The following CTBP1 variants were observed in gnomAD, a reference collection of about 807,000 sequenced individuals.
CTBP1 encodes the protein C-terminal-binding protein 1.
Under a neutral mutation model 42.1 loss-of-function variants are expected in CTBP1, and 11 were observed. The observed-to-expected ratio is 0.26, with a 90% CI of 0.16 to 0.43. CTBP1 has a LOEUF of 0.43. CTBP1 is among the 20% of genes least tolerant of loss of function. The pLI, the probability that CTBP1 is intolerant of heterozygous loss-of-function variation, is 1.00. For missense variants in CTBP1, 399 were observed against 624.3 expected (o/e 0.64, Z 3.85); for synonymous variants, 324 against 277.1 (o/e 1.17, Z -1.68).
At chr4:1,241,072 G>A (rs528760672) in intron 2 of CTBP1, among the ~76,000 whole-genome samples, 2 of 152,162 alleles carry the variant, frequency 1.3e-5, no homozygotes, top group Non-Finnish European at 2.9e-5. Flanking sequence ...GACACTTTCC[G>A]ACAGAAACAG....
At chr4:1,226,428 G>A (rs1394444739) in intron 4 of CTBP1, among the ~76,000 whole-genome samples, 1 of 152,078 alleles carries the variant, frequency 6.6e-6, no homozygotes, top group Admixed American at 6.5e-5. Context: ...GTTCCGCAAG[G>A]GGTCCCGGGG....
chr4:1,247,137 C>T (rs539273519), intron 1 of CTBP1, among the ~76,000 whole-genome samples: 19 of 152,338 alleles, frequency 1.2e-4, no homozygotes, highest in African/African-American at 4.1e-4. Context: ...AAGGGAAGAT[C>T]CTACTCGCTG....
At chr4:1,225,692 G>A in intron 4 of CTBP1, 126 bp from the exon 5 acceptor site, 2 of 1,021,918 alleles carry the variant, frequency 2.0e-6, no homozygotes, top group Non-Finnish European at 2.8e-6. Flanking sequence ...GTGTCCCCAA[G>A]GCCACCCCGG....
At chr4:1,221,596 A>G (rs1729741075) in intron 5 of CTBP1, 1 of 225,120 alleles carries the variant, frequency 4.4e-6, no homozygotes, top group Non-Finnish European at 9.2e-6. Flanking sequence ...CACAGGTGAG[A>G]CCCAGAGGCA....
chr4:1,215,183 C>T (rs1728977356), intron 6 of CTBP1, among the ~76,000 whole-genome samples: 1 of 152,242 alleles, frequency 6.6e-6, no homozygotes, highest in Non-Finnish European at 1.5e-5. Context: ...GTGCCACACC[C>T]TGTCCCCTAG....
intron 1 of CTBP1, chr4:1,243,235 G>T: frequency 1.0e-6 from 1 of 985,424 alleles, no homozygotes; most frequent in Non-Finnish European, 1.2e-6. Flanking sequence ...ATACTGGCCA[G>T]TACGTGCCCA....
intron 5 of CTBP1, among the ~76,000 whole-genome samples, chr4:1,223,952 T>C (rs1300440825): frequency 1.3e-5 from 2 of 151,786 alleles, no homozygotes; most frequent in Admixed American, 1.3e-4. Flanking sequence ...GCAAAGCGAG[T>C]GGGCAAATGA....
chr4:1,249,987 T>C (rs3755919), upstream of CTBP1: 11,114 of 162,472 alleles, frequency 0.068, 843 homozygotes, highest in East Asian at 0.21. Context: ...CTGCAGACTC[T>C]CCCGAGGGGC....
At chr4:1,246,854 A>G (rs1425292555) in intron 1 of CTBP1, among the ~76,000 whole-genome samples, 1 of 152,206 alleles carries the variant, frequency 6.6e-6, no homozygotes, top group Non-Finnish European at 1.5e-5. Flanking sequence ...AAAATTTATT[A>G]ACAGAATGAT....
intron 1 of CTBP1, chr4:1,244,492 C>T (rs1313393320): frequency 1.0e-6 from 1 of 985,220 alleles, no homozygotes; most frequent in Non-Finnish European, 1.2e-6. Flanking sequence ...GCTACCAACC[C>T]TCCACGTCCC....
At position 1,238,487 on chromosome 4, in the gene CTBP1, A is replaced by T. The variant is rs949642884; in HGVS notation, c.8-150T>A. ...TTGTGATATTTGTAAAAAGTAAATT[A>T]AAAATCCACGTGAAAGACAACTCGT... On this transcript the variant is annotated intron_variant, in intron 2 of 9. Transcript: ENST00000382952. This position sits in a 1 kb window ranked among gnomAD's most constrained non-coding sequence, Gnocchi z 5.9. 2 of 1,022,700 alleles carry T rather than the reference A, an allele frequency of 2.0e-6. No individual in the cohort carries two copies. The highest frequency in any genetic ancestry group is 1.6e-5 in the African/African-American group (1 of 62,068). 63.4% of individuals were successfully genotyped at this position (1,022,700 alleles called of 1,614,324 possible).
chr4:1,220,827 G>C (rs1202989565), intron 5 of CTBP1, among the ~76,000 whole-genome samples: 1 of 152,268 alleles, frequency 6.6e-6, no homozygotes, highest in Non-Finnish European at 1.5e-5. Flanking sequence ...CCACGTGTGA[G>C]TGGCAGCCCA....
At position 1,238,356 on chromosome 4, in the gene CTBP1, T is replaced by C; in HGVS notation, c.8-19A>G. 6.5e-7 allele frequency: 1 copy of C among 1,542,236 alleles called. No individual in the cohort carries two copies. Among genetic ancestry groups the C allele is most frequent in the East Asian group, 2.3e-5 (1 of 44,166 alleles). ...CGGACGCCTGCAAGACAGAGGCAAG[T>C]GCTCAGCCTTGCACCACTGCGGCCC... is the stretch of plus-strand genomic sequence containing the variant. On this transcript the variant is annotated intron_variant, in intron 2 of 9. Transcript: ENST00000382952. This position sits in a 1 kb window ranked among gnomAD's most constrained non-coding sequence, Gnocchi z 5.9.
At chr4:1,227,563 CTG>C (rs1359405227) in intron 4 of CTBP1, among the ~76,000 whole-genome samples, 1 of 144,196 alleles carries the variant, frequency 6.9e-6, no homozygotes, top group Non-Finnish European at 1.5e-5. Flanking sequence ...TGTGCGTGTT[CTG>C]TGTGCTGAGT....
At chr4:1,237,814 C>T (rs1384982412) in intron 3 of CTBP1, 14 of 692,218 alleles carry the variant, frequency 2.0e-5, no homozygotes, top group East Asian at 1.6e-4. Context: ...CAGGGCAAAA[C>T]GAGTGTCCAC....
chr4:1,218,498 A>G (rs1237156306), intron 5 of CTBP1: 2 of 152,188 alleles, frequency 1.3e-5, no homozygotes, highest in Admixed American at 6.5e-5. Context: ...TTTAGGCTAC[A>G]GGAACGTGAC....
chr4:1,230,395 G>C (rs1189280732), intron 3 of CTBP1, among the ~76,000 whole-genome samples: 2 of 151,932 alleles, frequency 1.3e-5, no homozygotes, highest in African/African-American at 4.9e-5. Context: ...CCGCAGCTAA[G>C]AGAGAGTCAC....
intron 8 of CTBP1, 132 bp downstream of exon 8, chr4:1,213,346 G>C (rs1728742840): frequency 1.4e-6 from 2 of 1,412,046 alleles, no homozygotes; most frequent in African/African-American, 1.4e-5. Context: ...CCCTGCTGGG[G>C]GTGCAGTGAG....
chr4:1,229,100 T>C (rs1035462611), intron 3 of CTBP1, among the ~76,000 whole-genome samples: 2 of 152,120 alleles, frequency 1.3e-5, no homozygotes, highest in Non-Finnish European at 2.9e-5. Flanking sequence ...ACTCAGCCAG[T>C]ACATGGCATC....
Sources: gnomAD v4.1 joint callset for allele counts (sites outside exome capture counted in the v4.1 genomes callset) on GRCh38, gnomAD v4.1.1 for gene constraint, Gnocchi (gnomAD v3.1) non-coding constraint, MANE v1.5 for transcripts, NCBI Gene and HGNC (gene_info 2026-07-23, HGNC 2026-07-21) for gene names.